RAPH1: variants seen among roughly 807,000 people sequenced by gnomAD.
RAPH1 encodes the protein ras-associated and pleckstrin homology domains-containing protein 1.
In RAPH1, 18 loss-of-function variants were observed where a neutral mutation model predicts 88.1. The observed-to-expected ratio is 0.20, with a 90% CI of 0.14 to 0.30. The LOEUF (loss-of-function observed/expected upper bound fraction) is 0.30. RAPH1 is among the 10% of genes least tolerant of loss of function. The probability of loss-of-function intolerance (pLI) is 1.00; values close to 1 mark genes in which losing one functional copy is unlikely to be tolerated. For synonymous variants in RAPH1, 587 were observed against 559.0 expected (o/e 1.05, Z -0.71); for missense variants, 1,448 against 1,543.2 (o/e 0.94, Z 1.03).
In RAPH1 at chr2:203,455,486, AAAT is replaced by A; in HGVS notation, c.1250_1252del (p.Tyr417del). Reference sequence around the variant, plus strand: ...GTAGATACCAGATGCTCGCAAGAGAAAATAACGCTTTTTCCAGGACTTCTTGCC... The same window carrying A: ...GTAGATACCAGATGCTCGCAAGAGAAAACGCTTTTTCCAGGACTTCTTGCC... On this transcript the variant is annotated inframe_deletion, in exon 9 of 14. Coordinates refer to ENST00000319170, the MANE Select transcript of RAPH1 (RefSeq NM_213589.3). 6.2e-7 allele frequency: 1 copy of A among 1,614,036 alleles called. No homozygotes were observed. Among genetic ancestry groups the A allele is most frequent in the Non-Finnish European group, 8.5e-7 (1 of 1,179,948 alleles).
chr2:203,452,057 G>C lies in RAPH1; in HGVS notation c.1413+2373C>G, dbSNP rs1009679749. On this transcript the variant is annotated intron_variant, in intron 10 of 13. Transcript: ENST00000319170. Reference sequence around the variant, plus strand: ...TTGGGACTGTGAGGTGAATCAGCCTGAGAATAAGCTGATATGCGGGAAGTA... The same window carrying C: ...TTGGGACTGTGAGGTGAATCAGCCTCAGAATAAGCTGATATGCGGGAAGTA... 7.2e-5 allele frequency among the ~76,000 whole-genome samples: 11 copies of C among 152,198 alleles called. No individual in the cohort carries two copies. In the East Asian group the frequency reaches 2.1e-3, roughly 29 times the overall value.
At position 203,528,998 on chromosome 2, in the gene RAPH1, TATATATA is replaced by T. The variant is rs1374446953; in HGVS notation, c.-1+6106_-1+6112del. 3.7e-3 allele frequency among the ~76,000 whole-genome samples: 332 copies of T among 90,408 alleles called. 2 individuals carry two copies. The highest frequency in any genetic ancestry group is 0.011 in the African/African-American group (210 of 18,578). The allele number at this position is 90,408 out of a possible 152,430, so 59.3% of individuals were successfully genotyped here. A position where few individuals can be genotyped will look rare whatever the true frequency, so the allele number is the denominator to read the frequency against. On this transcript the variant is annotated intron_variant, in intron 1 of 13. Coordinates refer to ENST00000319170, the MANE Select transcript of RAPH1 (RefSeq NM_213589.3). The stretch of plus-strand genomic sequence containing the variant: ...GTTTTGCTATATATATATATATATA[TATATATA>T]TTTTTTTTTTTTTTTTTTTTTTTTT...
Position 203,441,825 on chromosome 2 carries a change from T to TA in RAPH1, c.1777-413_1777-412insT. On this transcript the variant is annotated intron_variant, in intron 13 of 13. Transcript: ENST00000319170. ...GAGATGTGATGGCTCCAGTTTACCT[T>TA]TCAGTCCATGACTGCATCCACATCA... is the stretch of plus-strand genomic sequence containing the variant. The TA allele has an allele frequency of 1.1e-5, 15 of 1,309,280 alleles. No individual in the cohort carries two copies. The South Asian group carries it at 3.7e-4, about 32-fold the overall frequency. The allele number at this position is 1,309,280 out of a possible 1,614,324, so 81.1% of individuals were successfully genotyped here.
At chr2:203,467,187 T>C (rs1455955567) in intron 4 of RAPH1, among the ~76,000 whole-genome samples, 2 of 152,168 alleles carry the variant, frequency 1.3e-5, no homozygotes, top group African/African-American at 4.8e-5. Context: ...GAGCTACTAG[T>C]GTCCTTATGT....
At chr2:203,453,855 G>A (rs934763595) in intron 10 of RAPH1, among the ~76,000 whole-genome samples, 5 of 151,812 alleles carry the variant, frequency 3.3e-5, no homozygotes, top group African/African-American at 1.2e-4. Context: ...TAAAATGTCC[G>A]TTCTTCTCAG....
chr2:203,490,925 T>A (rs1298043829), intron 3 of RAPH1, among the ~76,000 whole-genome samples: 2 of 151,372 alleles, frequency 1.3e-5, no homozygotes, highest in Non-Finnish European at 2.9e-5. Context: ...ATGCCTGTAA[T>A]CCCAGCTACT....
intron 4 of RAPH1, among the ~76,000 whole-genome samples, chr2:203,472,308 T>A (rs1439986751): frequency 6.6e-6 from 1 of 152,062 alleles, no homozygotes; most frequent in East Asian, 1.9e-4. Flanking sequence ...AATTTTGTAT[T>A]TTTATTAGAG....
At chr2:203,473,119 G>A (rs951634976) in intron 4 of RAPH1, among the ~76,000 whole-genome samples, 18 of 151,994 alleles carry the variant, frequency 1.2e-4, no homozygotes, top group Non-Finnish European at 1.9e-4. Flanking sequence ...CAAACATGTG[G>A]AAACCCGAGG....
chr2:203,518,869 T>C (rs1234846531), intron 1 of RAPH1, among the ~76,000 whole-genome samples: 4 of 152,160 alleles, frequency 2.6e-5, no homozygotes, highest in Non-Finnish European at 5.9e-5. Context: ...AAAAGGATAC[T>C]ATGAACAAAC....
At chr2:203,517,048 TAAAG>T (rs374122203) in intron 1 of RAPH1, among the ~76,000 whole-genome samples, 10,951 of 146,992 alleles carry the variant, frequency 0.075, 509 homozygotes, top group Admixed American at 0.1. Context: ...AAAAAAAAAA[TAAAG>T]AAAGAAAGAA....
At chr2:203,527,800 C>CA (rs59384499) in intron 1 of RAPH1, among the ~76,000 whole-genome samples, 2,849 of 50,174 alleles carry the variant, frequency 0.057, 154 homozygotes, top group African/African-American at 0.13. Flanking sequence ...AACTCCATCT[C>CA]AAAAAAAAAA....
intron 4 of RAPH1, among the ~76,000 whole-genome samples, chr2:203,469,210 G>C (rs537409843): frequency 6.6e-6 from 1 of 152,078 alleles, no homozygotes; most frequent in Non-Finnish European, 1.5e-5. Context: ...AATAGAGAAC[G>C]AAGAGGGAAG....
chr2:203,533,351 C>A (rs1020992781), intron 1 of RAPH1: 4 of 152,176 alleles, frequency 2.6e-5, no homozygotes, highest in African/African-American at 9.7e-5. Context: ...ATGAATTAAG[C>A]TTTTTGTACT....
chr2:203,529,044 A>T (rs1179189336), intron 1 of RAPH1, among the ~76,000 whole-genome samples: 3 of 100,402 alleles, frequency 3.0e-5, no homozygotes, highest in Non-Finnish European at 5.3e-5. Flanking sequence ...ACAGGGTCTC[A>T]CTCTGTCATT....
At chr2:203,480,065 T>G (rs947161656) in intron 4 of RAPH1, among the ~76,000 whole-genome samples, 1 of 152,258 alleles carries the variant, frequency 6.6e-6, no homozygotes, top group African/African-American at 2.4e-5. Flanking sequence ...AACTTTCATT[T>G]GTATTACAAA....
intron 4 of RAPH1, among the ~76,000 whole-genome samples, chr2:203,470,795 A>G (rs970850161): frequency 5.3e-5 from 8 of 152,256 alleles, no homozygotes; most frequent in Non-Finnish European, 7.3e-5. Context: ...GATCAATTCA[A>G]TGATAGCTGC....
chr2:203,497,905 T>C (rs978332099), intron 1 of RAPH1, among the ~76,000 whole-genome samples: 4 of 152,178 alleles, frequency 2.6e-5, no homozygotes, highest in African/African-American at 9.6e-5. Context: ...AGGAAAAACA[T>C]AAAATGTTAC....
At chr2:203,530,891 C>CAA (rs201025369) in intron 1 of RAPH1, among the ~76,000 whole-genome samples, 2 of 114,084 alleles carry the variant, frequency 1.8e-5, no homozygotes, top group South Asian at 2.7e-4. Flanking sequence ...GACTCCATCT[C>CAA]AAAAAAAAAA....
chr2:203,436,350 T>C lies in RAPH1; in HGVS notation c.*3087A>G, dbSNP rs1452784357. ...AATTTACAACTAAGGTGGGTATCTG[T>C]AAAAACCTTAAGAATAGTTACTCTT... is the stretch of plus-strand genomic sequence containing the variant. On this transcript the variant is annotated 3_prime_UTR_variant, in exon 14 of 14. Transcript: ENST00000319170. 6.6e-6 allele frequency: 1 copy of C among 152,178 alleles called. No individual in the cohort carries two copies. Among genetic ancestry groups the C allele is most frequent in the Non-Finnish European group, 1.5e-5 (1 of 68,042 alleles). 9.4% of individuals were successfully genotyped at this position (152,178 alleles called of 1,614,324 possible).
Sources: allele counts gnomAD v4.1 joint callset (sites outside exome capture counted in the v4.1 genomes callset), GRCh38; gene constraint gnomAD v4.1.1; transcripts MANE v1.5; gene names NCBI Gene and HGNC (gene_info 2026-07-23, HGNC 2026-07-21).